The following TRIM27 variants were observed in gnomAD, a reference collection of about 807,000 sequenced individuals.
TRIM27 encodes zinc finger protein RFP.
In TRIM27, 12 loss-of-function variants were observed where a neutral mutation model predicts 57.6. The ratio of observed to expected loss-of-function variants is 0.21; its 90% CI spans 0.13 to 0.34. TRIM27 has a LOEUF of 0.34. TRIM27 is among the 10% of genes least tolerant of loss of function. TRIM27 has a pLI of 1.00. For missense variants in TRIM27, 403 were observed against 656.8 expected, an observed-to-expected ratio of 0.61 and a Z score of 4.22; for synonymous variants, 266 against 259.0, an observed-to-expected ratio of 1.03 and a Z score of -0.26.
At chr6:28,908,041 C>T (rs1398856229) in intron 6 of TRIM27, 1 of 169,794 alleles carries the variant, frequency 5.9e-6, no homozygotes, top group East Asian at 1.1e-4. Context: ...TCAGAATCCA[C>T]CAGACTGCCC....
At chr6:28,914,117 G>A (rs1284281489) in intron 3 of TRIM27, among the ~76,000 whole-genome samples, 1 of 147,958 alleles carries the variant, frequency 6.8e-6, no homozygotes, top group African/African-American at 2.5e-5. Context: ...AACCTCTTGG[G>A]CTCTAGTGAT....
intron 1 of TRIM27, 101 bp from the exon 2 acceptor site, chr6:28,922,088 T>C: frequency 1.1e-6 from 1 of 897,430 alleles, no homozygotes; most frequent in Non-Finnish European, 1.8e-6. Flanking sequence ...TGATGCCAAG[T>C]CTCCAGTTGG....
intron 7 of TRIM27, chr6:28,906,362 C>G (rs1772770719): frequency 6.6e-6 from 1 of 152,180 alleles, no homozygotes; most frequent in Admixed American, 6.5e-5. Flanking sequence ...CCACAAAAGA[C>G]AGGCAACTGA....
intron 3 of TRIM27, among the ~76,000 whole-genome samples, chr6:28,917,595 A>G (rs1445763221): frequency 1.3e-5 from 2 of 151,028 alleles, no homozygotes; most frequent in Non-Finnish European, 3.0e-5. Context: ...AAAAAAAAAG[A>G]AAGTTACACA....
chr6:28,922,114 C>G (rs1423548182), intron 1 of TRIM27, 127 bp from the exon 2 acceptor site: 3 of 683,296 alleles, frequency 4.4e-6, no homozygotes, highest in Non-Finnish European at 7.7e-6. Context: ...GTCCTTAGGC[C>G]ACACTGCCAC....
At chr6:28,919,465 G>A (rs1773862851) in intron 3 of TRIM27, among the ~76,000 whole-genome samples, 1 of 152,214 alleles carries the variant, frequency 6.6e-6, no homozygotes, top group South Asian at 2.1e-4. Context: ...CACTGAATGA[G>A]CAAACGACAG....
At chr6:28,920,337 T>C (rs926840735) in intron 2 of TRIM27, 95 bp from the exon 3 acceptor site, 24 of 1,073,500 alleles carry the variant, frequency 2.2e-5, no homozygotes, top group Non-Finnish European at 2.8e-5. Context: ...AAGACCTCAT[T>C]ATGGATTAAA....
At chr6:28,909,485 G>C (rs753406245) in intron 4 of TRIM27, among the ~76,000 whole-genome samples, 1 of 152,160 alleles carries the variant, frequency 6.6e-6, no homozygotes, top group South Asian at 2.1e-4. Context: ...AGCGTACACG[G>C]ACAGTCTTTA....
chr6:28,908,563 TGGA>T, intron 6 of TRIM27: 1 of 483,412 alleles, frequency 2.1e-6, no homozygotes, highest in Non-Finnish European at 3.6e-6. Context: ...GATTAATTTT[TGGA>T]TTGCTTATTT....
At chr6:28,921,465 C>T (rs1426735867) in intron 2 of TRIM27, among the ~76,000 whole-genome samples, 1 of 151,612 alleles carries the variant, frequency 6.6e-6, no homozygotes, top group Non-Finnish European at 1.5e-5. Context: ...AGGAAGAGGG[C>T]AGAGTAAAAA....
At position 28,909,155 on chromosome 6, in the gene TRIM27, T is replaced by A. The variant is rs980078540; in HGVS notation, c.771-67A>T. 5 of 1,118,328 alleles carry A rather than the reference T, an allele frequency of 4.5e-6. No individual in the cohort carries two copies. The East Asian group carries it at 1.2e-4, about 27-fold the overall frequency. 69.3% of individuals were successfully genotyped at this position (1,118,328 alleles called of 1,614,324 possible). A position where few individuals can be genotyped will look rare whatever the true frequency, so the allele number is the denominator to read the frequency against. On this transcript the variant is annotated intron_variant, in intron 4 of 7. Transcript: ENST00000377199. ...ATGGAGTTTCGCTTGTTGCCCAGGC[T>A]GGAGTGCAATGGCGCCATCTCGGCC...
Position 28,904,935 on chromosome 6 carries a change from T to A in TRIM27, c.947-270A>T. ...TCCATCATGAACTGATTTTAAGAGA[T>A]AGGGTCTTGCTCTGTTGCCTAGGCT... On this transcript the variant is annotated intron_variant, in intron 7 of 7. Coordinates refer to ENST00000377199, the MANE Select transcript of TRIM27 (RefSeq NM_006510.5). The surrounding 1 kb of genome is among the most constrained non-coding windows in gnomAD (Gnocchi z 6.1). The A allele has an allele frequency of 2.0e-6, 1 of 494,858 alleles. No individual in the cohort carries two copies. 30.7% of individuals were successfully genotyped at this position (494,858 alleles called of 1,614,324 possible).
chr6:28,906,868 T>C (rs984598462), intron 7 of TRIM27: 2 of 205,412 alleles, frequency 9.7e-6, no homozygotes, highest in South Asian at 2.5e-4. Flanking sequence ...AAGAGCACTA[T>C]TGTGGAGCTC....
intron 3 of TRIM27, among the ~76,000 whole-genome samples, chr6:28,912,656 A>G (rs1050392781): frequency 2.6e-5 from 4 of 152,184 alleles, no homozygotes; most frequent in African/African-American, 7.2e-5. Flanking sequence ...AACTAAAACA[A>G]TCTTGTAGGT....
chr6:28,923,833 C>G lies in TRIM27; in HGVS notation c.-201G>C, dbSNP rs991738537. On this transcript the variant is annotated 5_prime_UTR_variant, in exon 1 of 8. Transcript: ENST00000377199. ...CGGGCCGATGCCTGCGCCTGTGCCC[C>G]CTAAGCGAGAGCGGGAATACGGCCG... 1 of 565,126 alleles carries G rather than the reference C, an allele frequency of 1.8e-6. No individual in the cohort carries two copies. Among genetic ancestry groups the G allele is most frequent in the Non-Finnish European group, 3.0e-6 (1 of 335,742 alleles). 35.0% of individuals were successfully genotyped at this position (565,126 alleles called of 1,614,324 possible). A position where few individuals can be genotyped will look rare whatever the true frequency, so the allele number is the denominator to read the frequency against.
intron 3 of TRIM27, chr6:28,915,365 T>C (rs1326210781): frequency 6.6e-6 from 1 of 151,210 alleles, no homozygotes; most frequent in African/African-American, 2.4e-5. Context: ...TACCAGCACT[T>C]TGGGAGGCCA....
chr6:28,913,598 T>C (rs1013835042), intron 3 of TRIM27, among the ~76,000 whole-genome samples: 5 of 152,126 alleles, frequency 3.3e-5, no homozygotes, highest in African/African-American at 1.2e-4. Context: ...CGACACTTCG[T>C]CAAAAGTGTA....
chr6:28,907,630 G>A, intron 6 of TRIM27: 1 of 550,810 alleles, frequency 1.8e-6, no homozygotes, highest in Non-Finnish European at 3.6e-6. Context: ...AGTCATCTGT[G>A]TACAAGAGCT....
intron 2 of TRIM27, among the ~76,000 whole-genome samples, chr6:28,921,367 G>C (rs1409972418): frequency 7.1e-6 from 1 of 140,548 alleles, no homozygotes; most frequent in African/African-American, 2.8e-5. Context: ...ATGACAGTGA[G>C]ACCCTGTCTT....
Sources: gnomAD v4.1 joint callset for allele counts (sites outside exome capture counted in the v4.1 genomes callset) on GRCh38, gnomAD v4.1.1 for gene constraint, Gnocchi (gnomAD v3.1) non-coding constraint, MANE v1.5 for transcripts, NCBI Gene and HGNC (gene_info 2026-07-23, HGNC 2026-07-21) for gene names.